Variants in LAMA2 observed in about 807,000 individuals in gnomAD.
LAMA2 encodes laminin subunit alpha 2.
A neutral mutation model predicts 364.8 loss-of-function variants in LAMA2; 269 were observed. That is an observed-to-expected ratio of 0.74 (90% CI 0.67 to 0.82). The LOEUF (loss-of-function observed/expected upper bound fraction) is 0.82, where lower values mean the gene tolerates loss of function less well. Among genes scored for constraint, LAMA2 ranks in the 40% least tolerant of loss-of-function variants. The pLI, the probability that LAMA2 is intolerant of heterozygous loss-of-function variation, is 0.00. For synonymous variants in LAMA2, 1,379 were observed against 1,370.6 expected, an observed-to-expected ratio of 1.01 and a Z score of -0.14; for missense variants, 3,807 against 3,873.2, an observed-to-expected ratio of 0.98 and a Z score of 0.45.
rs147076333 is a variant in LAMA2 at position 128,939,195 on chromosome 6, C to T, written c.112+55838C>T. Among the ~76,000 whole-genome samples, 582 of 152,242 alleles carry T rather than the reference C, an allele frequency of 3.8e-3. 4 individuals carry two copies. The highest frequency in any genetic ancestry group is 0.013 in the African/African-American group (560 of 41,550). ...CTCCTTTTCATCCTTCAAGACTCAA[C>T]AAAATTGTTGCCTTTTCATGAAAAA... On this transcript the variant is annotated intron_variant, in intron 1 of 64. Transcript: ENST00000421865.
chr6:129,162,808 G>C (rs1779516154), intron 8 of LAMA2, among the ~76,000 whole-genome samples: 1 of 151,730 alleles, frequency 6.6e-6, no homozygotes, highest in South Asian at 2.1e-4. Flanking sequence ...ATATTTGTAT[G>C]ATCTGTAAGC....
chr6:129,356,995 T>A (rs1456154355), intron 32 of LAMA2, among the ~76,000 whole-genome samples: 1 of 152,086 alleles, frequency 6.6e-6, no homozygotes, highest in East Asian at 1.9e-4. Flanking sequence ...AGCTTTACAA[T>A]GTTATGTAAG....
chr6:129,098,992 T>A (rs1207613787), intron 4 of LAMA2, among the ~76,000 whole-genome samples: 3 of 151,778 alleles, frequency 2.0e-5, no homozygotes, highest in African/African-American at 7.3e-5. Flanking sequence ...TCAAATATGT[T>A]CTTCTCCAGT....
chr6:129,208,564 G>GAGAA (rs1346261410), intron 12 of LAMA2, among the ~76,000 whole-genome samples: 1 of 76,540 alleles, frequency 1.3e-5, no homozygotes, highest in Non-Finnish European at 2.3e-5. Flanking sequence ...AAGAAAGAAA[G>GAGAA]AGAAAGAAAG....
At chr6:129,356,305 A>G (rs1218918548) in intron 32 of LAMA2, among the ~76,000 whole-genome samples, 1 of 152,160 alleles carries the variant, frequency 6.6e-6, no homozygotes, top group Non-Finnish European at 1.5e-5. Flanking sequence ...GTTCCTGAGC[A>G]TAACTAAGCA....
intron 45 of LAMA2, among the ~76,000 whole-genome samples, chr6:129,451,295 C>A (rs1232052404): frequency 6.6e-6 from 1 of 152,196 alleles, no homozygotes; most frequent in Non-Finnish European, 1.5e-5. Flanking sequence ...AACTTCCCAA[C>A]TGAAAACCAC....
chr6:129,358,245 G>A (rs1232364591), intron 32 of LAMA2, among the ~76,000 whole-genome samples: 4 of 151,902 alleles, frequency 2.6e-5, no homozygotes, highest in African/African-American at 4.8e-5. Context: ...AACTATCACC[G>A]TGATTCTAGA....
chr6:129,288,213 A>AT (rs1213691736), intron 19 of LAMA2, among the ~76,000 whole-genome samples, 155 bp downstream of exon 19: 1 of 152,170 alleles, frequency 6.6e-6, no homozygotes, highest in Non-Finnish European at 1.5e-5. Context: ...ATTCCAGAAC[A>AT]TTTCCTTGTA....
chr6:129,470,296 G>C (rs9372932), intron 51 of LAMA2, among the ~76,000 whole-genome samples: 27,171 of 151,676 alleles, frequency 0.18, 2,466 homozygotes, highest in East Asian at 0.2. Flanking sequence ...TAATTATTTT[G>C]ATTTGGAATG....
At chr6:129,481,922 A>G (rs747970687) in intron 55 of LAMA2, among the ~76,000 whole-genome samples, 69 of 152,180 alleles carry the variant, frequency 4.5e-4, no homozygotes, top group Non-Finnish European at 4.4e-4. Flanking sequence ...AGAAGGGCAG[A>G]AAATGGATCT....
At chr6:129,284,720 T>C (rs574604285) in intron 18 of LAMA2, among the ~76,000 whole-genome samples, 74 of 152,100 alleles carry the variant, frequency 4.9e-4, no homozygotes, top group Non-Finnish European at 9.9e-4. Flanking sequence ...CATTGTTGCT[T>C]GTCTGCACGT....
At chr6:129,458,700 T>C (rs62421017) in intron 48 of LAMA2, among the ~76,000 whole-genome samples, 22,750 of 151,872 alleles carry the variant, frequency 0.15, 1,804 homozygotes, top group East Asian at 0.21. Flanking sequence ...CAATACATGG[T>C]CACAGCAGTG....
chr6:129,020,871 G>A (rs1785409189), intron 1 of LAMA2, among the ~76,000 whole-genome samples: 1 of 152,142 alleles, frequency 6.6e-6, no homozygotes, highest in African/African-American at 2.4e-5. Context: ...GGCTTCTTTA[G>A]TCCAAAGTGC....
chr6:129,011,527 C>T (rs770707426), intron 1 of LAMA2, among the ~76,000 whole-genome samples: 98 of 152,152 alleles, frequency 6.4e-4, no homozygotes, highest in South Asian at 6.2e-4. Flanking sequence ...TTAGGCAAGG[C>T]TCTGCCTAAT....
chr6:129,378,365 T>C lies in LAMA2; in HGVS notation c.4960-4757T>C, dbSNP rs1583609878. On this transcript the variant is annotated intron_variant, in intron 34 of 64. Coordinates refer to ENST00000421865, the MANE Select transcript of LAMA2 (RefSeq NM_000426.4). ...CTGTCCTGGGTGAGATTGATTTTTG[T>C]GAATTTTGCTTTGGCAGTGATACCA... Among the ~76,000 whole-genome samples the C allele has an allele frequency of 2.0e-5, 3 of 152,334 alleles. No homozygotes were observed. The South Asian group carries it at 6.2e-4, about 32-fold the overall frequency.
chr6:129,045,299 T>C (rs1314153491), intron 1 of LAMA2, among the ~76,000 whole-genome samples: 1 of 152,218 alleles, frequency 6.6e-6, no homozygotes, highest in Non-Finnish European at 1.5e-5. Context: ...TCTTTAGTTT[T>C]ATGGTTAGAA....
At position 129,440,815 on chromosome 6, in the gene LAMA2, G is replaced by A; in HGVS notation, c.6086-1G>A. On this transcript the variant is annotated splice_acceptor_variant, in intron 42 of 64. Coordinates refer to ENST00000421865, the MANE Select transcript of LAMA2 (RefSeq NM_000426.4). LOFTEE classifies it high-confidence loss of function. ...TTTTTCATACCCTCATCTGCTGACA[G>A]ATACAGCTGCTAAACTGCAAGCTGT... 6.2e-7 allele frequency: 1 copy of A among 1,613,470 alleles called. No homozygotes were observed. Among genetic ancestry groups the A allele is most frequent in the Non-Finnish European group, 8.5e-7 (1 of 1,179,516 alleles).
intron 1 of LAMA2, among the ~76,000 whole-genome samples, chr6:128,920,391 C>A (rs939903288): frequency 2.6e-5 from 4 of 151,952 alleles, no homozygotes. Context: ...CTCTCGACCT[C>A]GCAATTCGCC....
chr6:129,198,748 A>G (rs12195187), intron 12 of LAMA2, among the ~76,000 whole-genome samples: 8,589 of 152,256 alleles, frequency 0.056, 259 homozygotes, highest in South Asian at 0.073. Context: ...AAATTTACAC[A>G]CAATAAGAAT....
Sources: gnomAD v4.1 joint callset for allele counts (sites outside exome capture counted in the v4.1 genomes callset) on GRCh38, gnomAD v4.1.1 for gene constraint, MANE v1.5 for transcripts, NCBI Gene and HGNC (gene_info 2026-07-23, HGNC 2026-07-21) for gene names.